Variants in COL25A1 observed in about 807,000 individuals in gnomAD.
COL25A1 encodes the protein collagen type XXV alpha 1 chain.
A neutral mutation model predicts 128.4 loss-of-function variants in COL25A1; 103 were observed. The observed-to-expected ratio is 0.80, with a 90% CI of 0.68 to 0.94. The LOEUF is 0.94. Among genes scored for constraint, COL25A1 ranks in the 40% least tolerant of loss-of-function variants. The pLI is 0.00. For synonymous variants in COL25A1, 279 were observed against 277.2 expected (o/e 1.01, Z -0.06); for missense variants, 745 against 840.0 (o/e 0.89, Z 1.40).
At chr4:108,886,754 G>C (rs1030946191) in intron 18 of COL25A1, among the ~76,000 whole-genome samples, 1 of 152,078 alleles carries the variant, frequency 6.6e-6, no homozygotes, top group East Asian at 1.9e-4. Flanking sequence ...TAAATCAAAA[G>C]TGTAACATAT....
chr4:108,845,096 G>T, intron 29 of COL25A1, 93 bp downstream of exon 29: 2 of 1,055,496 alleles, frequency 1.9e-6, no homozygotes, highest in Non-Finnish European at 1.5e-6. Flanking sequence ...GTCTACTGTT[G>T]TGCAGCCATC....
At chr4:109,186,398 A>G (rs1446311315) in intron 3 of COL25A1, among the ~76,000 whole-genome samples, 1 of 152,226 alleles carries the variant, frequency 6.6e-6, no homozygotes, top group Non-Finnish European at 1.5e-5. Context: ...AACAAATTAG[A>G]AGAAAAATTA....
chr4:109,287,919 T>C (rs919969821), intron 3 of COL25A1, among the ~76,000 whole-genome samples: 3 of 152,092 alleles, frequency 2.0e-5, no homozygotes, highest in Non-Finnish European at 4.4e-5. Context: ...GGGCCAAGAA[T>C]AGGCAAACAA....
chr4:109,295,698 T>A (rs1037287121), intron 3 of COL25A1, among the ~76,000 whole-genome samples: 2 of 152,004 alleles, frequency 1.3e-5, no homozygotes, highest in Non-Finnish European at 2.9e-5. Context: ...TGGGAAAGAG[T>A]ACACAACCAT....
At chr4:108,872,068 G>A (rs375172310) in intron 19 of COL25A1, among the ~76,000 whole-genome samples, 97 of 152,204 alleles carry the variant, frequency 6.4e-4, no homozygotes, top group African/African-American at 2.2e-3. Context: ...ACAATAACAC[G>A]AAGACATTAT....
At chr4:108,850,481 G>A (rs777081683) in intron 26 of COL25A1, among the ~76,000 whole-genome samples, 24 of 151,974 alleles carry the variant, frequency 1.6e-4, no homozygotes, top group Non-Finnish European at 2.9e-4. Flanking sequence ...GGTGGGGTAG[G>A]GATGATAGCA....
intron 13 of COL25A1, among the ~76,000 whole-genome samples, chr4:108,913,208 G>A (rs1744445375): frequency 6.8e-6 from 1 of 146,548 alleles, no homozygotes; most frequent in African/African-American, 2.5e-5. Context: ...AGACAAGGAT[G>A]TGAATTAAGA....
At chr4:109,225,629 C>A (rs542478438) in intron 3 of COL25A1, among the ~76,000 whole-genome samples, 1 of 151,964 alleles carries the variant, frequency 6.6e-6, no homozygotes, top group Non-Finnish European at 1.5e-5. Flanking sequence ...GAAATTATAT[C>A]AAAAAGAAAC....
intron 5 of COL25A1, among the ~76,000 whole-genome samples, chr4:109,029,977 A>G (rs1012063511): frequency 6.6e-6 from 1 of 152,176 alleles, no homozygotes; most frequent in Non-Finnish European, 1.5e-5. Flanking sequence ...CCCTGCTTTA[A>G]ATATTTTCCT....
chr4:109,035,028 A>G (rs1277506191), intron 5 of COL25A1, among the ~76,000 whole-genome samples: 2 of 152,232 alleles, frequency 1.3e-5, no homozygotes, highest in East Asian at 3.8e-4. Context: ...CTTGTAATGT[A>G]GGATACCATT....
In COL25A1 at chr4:109,006,843, G is replaced by C. The variant is rs545142135; in HGVS notation, c.438+3515C>G. 4.6e-5 allele frequency among the ~76,000 whole-genome samples: 7 copies of C among 152,272 alleles called. No homozygotes were observed. The South Asian group carries it at 1.5e-3, about 32-fold the overall frequency. On this transcript the variant is annotated intron_variant, in intron 6 of 37. Transcript: ENST00000399132. ...AAACACCGCATGTTCTCATTTATAA[G>C]TGGCAACTGACTGATGAGAACACAT... is the stretch of plus-strand genomic sequence containing the variant.
At chr4:108,875,921 A>T (rs1270974159) in intron 19 of COL25A1, among the ~76,000 whole-genome samples, 1 of 152,216 alleles carries the variant, frequency 6.6e-6, no homozygotes, top group Non-Finnish European at 1.5e-5. Context: ...AAGGACATAG[A>T]TAAAGCTGGA....
intron 3 of COL25A1, among the ~76,000 whole-genome samples, chr4:109,265,114 T>C (rs904552723): frequency 1.3e-5 from 2 of 152,196 alleles, no homozygotes; most frequent in African/African-American, 4.8e-5. Context: ...GTCACTAAGA[T>C]GGAAAAATTC....
In COL25A1 at chr4:109,265,236, T is replaced by C. The variant is rs1259887738; in HGVS notation, c.367+35347A>G. ...ATCTGTTTTAACTCTCCTATTCTAT[T>C]AACCTATCTGTTAACATTCGGGAGC... On this transcript the variant is annotated intron_variant, in intron 3 of 37. Transcript: ENST00000399132. 3.3e-5 allele frequency among the ~76,000 whole-genome samples: 5 copies of C among 152,184 alleles called. No homozygotes were observed. In the East Asian group the frequency reaches 7.7e-4, roughly 23 times the overall value.
At chr4:109,020,506 TG>T (rs70949064) in intron 5 of COL25A1, among the ~76,000 whole-genome samples, 31,149 of 123,236 alleles carry the variant, frequency 0.25, 3,900 homozygotes, top group East Asian at 0.39. Context: ...GAGATTATTA[TG>T]GGGGGGGGGG....
intron 3 of COL25A1, among the ~76,000 whole-genome samples, chr4:109,276,930 A>G (rs1722908257): frequency 6.6e-6 from 1 of 152,174 alleles, no homozygotes; most frequent in Admixed American, 6.5e-5. Flanking sequence ...CATCACTACC[A>G]CCAACCACTT....
chr4:109,301,744 T>C lies in COL25A1; in HGVS notation c.276A>G (p.Lys92=). Residue 92 remains lysine (K), a synonymous_variant, in exon 2 of 38, where the codon AAA becomes AAG. Coordinates refer to ENST00000399132, the MANE Select transcript of COL25A1 (RefSeq NM_198721.4). ...LDHLKTMVQE[K]VERLLAQKSY... is the part of the protein sequence containing the mutation. ...ACACCTGAGCCAGAAGTCGCTCCACTTTCTCTTGCACCATAGTCTTGAGGT... is the reference window on the plus strand; with the variant it reads ...ACACCTGAGCCAGAAGTCGCTCCACCTTCTCTTGCACCATAGTCTTGAGGT... 6.2e-7 allele frequency: 1 copy of C among 1,613,252 alleles called. No homozygotes were observed. Among genetic ancestry groups the C allele is most frequent in the African/African-American group, 1.3e-5 (1 of 75,042 alleles).
rs1553931885 is a variant in COL25A1 at position 109,097,662 on chromosome 4, A to AATTT, written c.368-47484_368-47483insAAAT. Among the ~76,000 whole-genome samples the AATTT allele has an allele frequency of 7.6e-4, 95 of 124,630 alleles. No homozygotes were observed. The East Asian group carries it at 0.014, about 19-fold the overall frequency. The allele number at this position is 124,630 out of a possible 152,430, so 81.8% of individuals were successfully genotyped here. A position where few individuals can be genotyped will look rare whatever the true frequency, so the allele number is the denominator to read the frequency against. On this transcript the variant is annotated intron_variant, in intron 3 of 37. Coordinates refer to ENST00000399132, the MANE Select transcript of COL25A1 (RefSeq NM_198721.4). Reference sequence around the variant, plus strand: ...ATTATGTTATCTTAGGTAAACATCAATTTTTTTTTTTTTTTTTTTGAGACA... The same window carrying AATTT: ...ATTATGTTATCTTAGGTAAACATCAAATTTTTTTTTTTTTTTTTTTTTTGAGACA...
chr4:109,107,352 T>A (rs1298919878), intron 3 of COL25A1, among the ~76,000 whole-genome samples: 4 of 152,194 alleles, frequency 2.6e-5, no homozygotes, highest in African/African-American at 9.6e-5. Context: ...TATTTACAGA[T>A]TTTATTTTTC....
Sources: allele counts gnomAD v4.1 joint callset (sites outside exome capture counted in the v4.1 genomes callset), GRCh38; gene constraint gnomAD v4.1.1; transcripts MANE v1.5; gene names NCBI Gene and HGNC (gene_info 2026-07-23, HGNC 2026-07-21).